ANO10: variants seen among roughly 807,000 people sequenced by gnomAD.
ANO10 encodes anoctamin 10.
Under a neutral mutation model 74.7 loss-of-function variants are expected in ANO10, and 77 were observed. The ratio of observed to expected loss-of-function variants is 1.03; its 90% CI spans 0.86 to 1.25. The LOEUF is 1.25. Among genes scored for constraint, ANO10 ranks in the 50% most tolerant of loss-of-function variants. ANO10 has a pLI of 0.00. For synonymous variants in ANO10, 279 were observed against 284.9 expected, an observed-to-expected ratio of 0.98 and a Z score of 0.21; for missense variants, 721 against 778.1, an observed-to-expected ratio of 0.93 and a Z score of 0.87.
chr3:43,518,180 A>G (rs2077792301), intron 11 of ANO10, among the ~76,000 whole-genome samples: 1 of 152,212 alleles, frequency 6.6e-6, no homozygotes, highest in African/African-American at 2.4e-5. Flanking sequence ...ACAGAAGAAC[A>G]TAAATTGTGA....
In ANO10 at chr3:43,577,196, A is replaced by T; in HGVS notation, c.658T>A (p.Phe220Ile). The change falls in exon 6 of 13, where the codon TTT becomes ATT. Residue 220 changes from phenylalanine to isoleucine, a missense_variant. By Grantham distance (21) the Phe-to-Ile change is conservative (BLOSUM62 0). Transcript: ENST00000292246. The part of the protein sequence containing the change: ...LYFGFLEYFT[F>I]ALIPMAVIGL... Reference sequence around the variant, plus strand: ...ATGACAGCCATGGGGATTAATGCAAAAGTGAAATACTCCAAAAATCCAAAG... The same window carrying T: ...ATGACAGCCATGGGGATTAATGCAATAGTGAAATACTCCAAAAATCCAAAG... 6.2e-7 allele frequency: 1 copy of T among 1,614,196 alleles called. No homozygotes were observed.
chr3:43,643,975 CTGAGA>C (rs1275903771), intron 1 of ANO10, among the ~76,000 whole-genome samples: 3 of 152,150 alleles, frequency 2.0e-5, no homozygotes, highest in African/African-American at 7.2e-5. Context: ...TGAGCCACCG[CTGAGA>C]TAACTTGAAA....
At chr3:43,582,609 A>C (rs975497964) in intron 4 of ANO10, among the ~76,000 whole-genome samples, 1 of 152,196 alleles carries the variant, frequency 6.6e-6, no homozygotes, top group Admixed American at 6.5e-5. Context: ...TCTGGTACTA[A>C]CAATAGGAAA....
intron 11 of ANO10, among the ~76,000 whole-genome samples, chr3:43,525,177 GTC>G (rs2078137810): frequency 6.6e-6 from 1 of 152,104 alleles, no homozygotes; most frequent in African/African-American, 2.4e-5. Flanking sequence ...GTGCAGCCAG[GTC>G]ATCTGGCCTC....
intron 12 of ANO10, among the ~76,000 whole-genome samples, chr3:43,408,581 C>T (rs990177465): frequency 1.3e-5 from 2 of 152,188 alleles, no homozygotes; most frequent in Non-Finnish European, 2.9e-5. Context: ...GCCAAACCTG[C>T]GATCTGAAAC....
intron 1 of ANO10, among the ~76,000 whole-genome samples, chr3:43,613,430 A>G (rs1440746191): frequency 6.6e-6 from 1 of 152,216 alleles, no homozygotes; most frequent in Admixed American, 6.5e-5. Flanking sequence ...CAGCATGGGA[A>G]AAGAACAATA....
intron 11 of ANO10, among the ~76,000 whole-genome samples, chr3:43,436,887 T>C (rs2093076288): frequency 6.6e-6 from 1 of 152,134 alleles, no homozygotes; most frequent in Admixed American, 6.6e-5. Flanking sequence ...CAAATTAGAG[T>C]TGAATTCTTA....
chr3:43,586,849 G>C (rs1327796645), intron 4 of ANO10, among the ~76,000 whole-genome samples: 1 of 152,020 alleles, frequency 6.6e-6, no homozygotes, highest in Non-Finnish European at 1.5e-5. Flanking sequence ...TCAAAGTCAT[G>C]ATAAAAGCAA....
chr3:43,669,681 T>C (rs1200978623), intron 1 of ANO10, among the ~76,000 whole-genome samples: 2 of 152,126 alleles, frequency 1.3e-5, no homozygotes, highest in Admixed American at 6.5e-5. Flanking sequence ...CTAAGATCTT[T>C]ATATTTTGGA....
At chr3:43,396,633 G>A (rs538936681) in intron 12 of ANO10, among the ~76,000 whole-genome samples, 37 of 151,852 alleles carry the variant, frequency 2.4e-4, no homozygotes, top group Non-Finnish European at 3.8e-4. Flanking sequence ...CACCGCACCC[G>A]GCCCATGTTT....
At chr3:43,516,601 T>C (rs886950129) in intron 11 of ANO10, among the ~76,000 whole-genome samples, 1 of 152,096 alleles carries the variant, frequency 6.6e-6, no homozygotes, top group Admixed American at 6.5e-5. Flanking sequence ...CATATTAGAC[T>C]GGAGAGAAAG....
At position 43,555,329 on chromosome 3, in the gene ANO10, C is replaced by G. The variant is rs1226599651; in HGVS notation, c.1617G>C (p.Arg539Ser). ...GTTCTGAGAATGGACGTTTGAAGAC[C>G]CTGCACATTTTTAAGGCATCTGAAT... ...EVNSDALKMC[R>S]VFKRPFSEPS... is the part of the protein sequence containing the mutation. The change falls in exon 10 of 13, where the codon AGG (arginine) becomes AGC (serine). Residue 539 changes from arginine to serine, a missense_variant. Physicochemically the swap from Arg to Ser is moderately radical, Grantham distance 110 (BLOSUM62 -1). Coordinates refer to ENST00000292246, the MANE Select transcript of ANO10 (RefSeq NM_018075.5). 2 of 1,613,990 alleles carry G rather than the reference C, an allele frequency of 1.2e-6. No individual in the cohort carries two copies. Among genetic ancestry groups the G allele is most frequent in the Admixed American group, 1.7e-5 (1 of 60,010 alleles).
chr3:43,407,402 C>T (rs1040612059), intron 12 of ANO10, among the ~76,000 whole-genome samples: 3 of 152,142 alleles, frequency 2.0e-5, no homozygotes, highest in African/African-American at 4.8e-5. Flanking sequence ...CCAAATTGAT[C>T]GCAGGTGCAC....
In ANO10 at chr3:43,605,697, G is replaced by C. The variant is rs755749266; in HGVS notation, c.139+17C>G. On this transcript the variant is annotated intron_variant, in intron 2 of 12. Coordinates refer to ENST00000292246, the MANE Select transcript of ANO10 (RefSeq NM_018075.5). ...TGGGAGGCCAGACTAAGTCTGAGCA[G>C]TGACTATTTTACTCACCTCCATCTT... 41 of 1,612,732 alleles carry C rather than the reference G, an allele frequency of 2.5e-5. No homozygotes were observed. In the South Asian group the frequency reaches 4.2e-4, roughly 16 times the overall value.
rs377681498 is a variant in ANO10, at chr3:43,542,159, T to C, written c.1797+7561A>G. On this transcript the variant is annotated intron_variant, in intron 11 of 12. Transcript: ENST00000292246. ...CTTTAAATAAGGGAATTGTATGGTG[T>C]GTGAGTTATGCTCACCACAGCTGTT... 3.3e-5 allele frequency among the ~76,000 whole-genome samples: 5 copies of C among 152,270 alleles called. No individual in the cohort carries two copies. In the East Asian group the frequency reaches 7.7e-4, roughly 24 times the overall value.
At chr3:43,372,768 C>G in intron 12 of ANO10, 1 of 1,389,340 alleles carries the variant, frequency 7.2e-7, no homozygotes, top group African/African-American at 1.4e-5. Context: ...TGACTAGACC[C>G]CAGGACCTAT....
chr3:43,580,244 G>T, intron 5 of ANO10, 109 bp downstream of exon 5: 2 of 1,436,260 alleles, frequency 1.4e-6, no homozygotes, highest in Non-Finnish European at 1.9e-6. Flanking sequence ...GGTGATCCCT[G>T]CCCAGTAGAG....
chr3:43,595,637 A>T (rs962566319), intron 4 of ANO10, among the ~76,000 whole-genome samples: 2 of 152,170 alleles, frequency 1.3e-5, no homozygotes, highest in Admixed American at 6.5e-5. Context: ...TATTTATGAC[A>T]AACCCACAGC....
intron 11 of ANO10, among the ~76,000 whole-genome samples, chr3:43,476,232 AG>A (rs2076060397): frequency 6.6e-6 from 1 of 152,204 alleles, no homozygotes; most frequent in Non-Finnish European, 1.5e-5. Context: ...TAAAAACCAA[AG>A]GGGAACAGAA....
Sources: gnomAD v4.1 joint callset for allele counts (sites outside exome capture counted in the v4.1 genomes callset) on GRCh38, gnomAD v4.1.1 for gene constraint, MANE v1.5 for transcripts, NCBI Gene and HGNC (gene_info 2026-07-23, HGNC 2026-07-21) for gene names.